Variants in GRID2 observed in about 807,000 individuals in gnomAD.
GRID2 encodes glutamate ionotropic receptor delta type subunit 2.
In GRID2, 33 loss-of-function variants were observed where a neutral mutation model predicts 114.8. The ratio of observed to expected loss-of-function variants is 0.29; its 90% CI spans 0.22 to 0.38. The LOEUF is 0.38. GRID2 is among the 10% of genes least tolerant of loss of function. The pLI is 1.00. For missense variants in GRID2, 1,184 were observed against 1,257.7 expected, an observed-to-expected ratio of 0.94 and a Z score of 0.89; for synonymous variants, 505 against 449.9, an observed-to-expected ratio of 1.12 and a Z score of -1.55.
chr4:93,516,508 A>T (rs1312858856), intron 13 of GRID2, among the ~76,000 whole-genome samples: 1 of 152,090 alleles, frequency 6.6e-6, no homozygotes, highest in African/African-American at 2.4e-5. Context: ...AATGTCCTGG[A>T]GATGTTAGCA....
chr4:92,525,862 A>G (rs1289499418), intron 1 of GRID2, among the ~76,000 whole-genome samples: 2 of 152,128 alleles, frequency 1.3e-5, no homozygotes, highest in Non-Finnish European at 2.9e-5. Flanking sequence ...GAGGAATTGT[A>G]GAGCAGTATT....
chr4:92,638,878 ATTTG>A (rs926431670), intron 2 of GRID2, among the ~76,000 whole-genome samples: 5 of 151,024 alleles, frequency 3.3e-5, no homozygotes, highest in Admixed American at 1.3e-4. Flanking sequence ...TTTTTGTTCT[ATTTG>A]TTCAGTTTTT....
intron 2 of GRID2, among the ~76,000 whole-genome samples, chr4:92,900,936 C>CTGTGTGTGTGTGTGTGTGTG (rs67753622): frequency 0.013 from 1,926 of 149,852 alleles, 56 homozygotes; most frequent in Admixed American, 0.065. Flanking sequence ...TAGTATTCGT[C>CTGTGTGTGTGTGTGTGTGTG]TGTGTGTGTG....
At position 93,055,542 on chromosome 4, in the gene GRID2, A is replaced by C. The variant is rs560674843; in HGVS notation, c.245-29453A>C. Among the ~76,000 whole-genome samples the C allele has an allele frequency of 6.3e-4, 96 of 152,060 alleles. 2 individuals carry two copies. The East Asian group carries it at 0.013, about 21-fold the overall frequency. On this transcript the variant is annotated intron_variant, in intron 2 of 15. Coordinates refer to ENST00000282020, the MANE Select transcript of GRID2 (RefSeq NM_001510.4). ...AATTAAACAACAACAACAACAACAA[A>C]AACATATAAAAAATGATAATAAATT...
rs987433604 is a variant in GRID2, at chr4:92,728,927, T to C, written c.244+138641T>C. ...GAGACAAAAAAGAATTACATAGAAC[T>C]CTAGTTTATATTTCCTATTAAAGGT... On this transcript the variant is annotated intron_variant, in intron 2 of 15. Coordinates refer to ENST00000282020, the MANE Select transcript of GRID2 (RefSeq NM_001510.4). Among the ~76,000 whole-genome samples, 4 of 152,006 alleles carry C rather than the reference T, an allele frequency of 2.6e-5. No individual in the cohort carries two copies. The East Asian group carries it at 7.8e-4, about 29-fold the overall frequency.
At chr4:93,108,132 T>C (rs540255068) in intron 3 of GRID2, among the ~76,000 whole-genome samples, 1 of 152,262 alleles carries the variant, frequency 6.6e-6, no homozygotes, top group East Asian at 1.9e-4. Context: ...CTTCTTATAC[T>C]TTACCTCAGA....
intron 1 of GRID2, among the ~76,000 whole-genome samples, chr4:92,314,395 A>C (rs1725862027): frequency 6.6e-6 from 1 of 152,200 alleles, no homozygotes; most frequent in African/African-American, 2.4e-5. Flanking sequence ...TATAATAGAC[A>C]AATTTAAATC....
At chr4:92,817,600 T>C (rs1213439946) in intron 2 of GRID2, among the ~76,000 whole-genome samples, 1 of 152,172 alleles carries the variant, frequency 6.6e-6, no homozygotes, top group African/African-American at 2.4e-5. Context: ...TTTCAAATCT[T>C]ATATTTTATC....
intron 8 of GRID2, among the ~76,000 whole-genome samples, chr4:93,371,042 A>C (rs1762846823): frequency 6.6e-6 from 1 of 152,204 alleles, no homozygotes; most frequent in Admixed American, 6.5e-5. Context: ...CCATTGTAAG[A>C]GAGAAAGATG....
chr4:93,104,147 A>G (rs1347507256), intron 3 of GRID2, among the ~76,000 whole-genome samples: 1 of 152,108 alleles, frequency 6.6e-6, no homozygotes, highest in Admixed American at 6.6e-5. Flanking sequence ...GTATTTGGAC[A>G]AGTTTTCCAG....
intron 9 of GRID2, among the ~76,000 whole-genome samples, chr4:93,399,968 T>C (rs903584229): frequency 6.6e-6 from 1 of 152,112 alleles, no homozygotes; most frequent in African/African-American, 2.4e-5. Flanking sequence ...TATTAACTTA[T>C]TTAATCCTTA....
At chr4:92,792,503 A>ACACACACACT (rs1414040335) in intron 2 of GRID2, among the ~76,000 whole-genome samples, 52 of 135,938 alleles carry the variant, frequency 3.8e-4, no homozygotes, top group African/African-American at 1.3e-3. Flanking sequence ...ACACACACAC[A>ACACACACACT]CTGTCACTCT....
At chr4:92,944,727 T>A (rs1225925725) in intron 2 of GRID2, among the ~76,000 whole-genome samples, 2 of 152,236 alleles carry the variant, frequency 1.3e-5, no homozygotes, top group Non-Finnish European at 2.9e-5. Flanking sequence ...TCTATTTGAT[T>A]TTTTAAATCT....
intron 2 of GRID2, among the ~76,000 whole-genome samples, chr4:92,651,311 G>A (rs1042313927): frequency 6.6e-6 from 1 of 152,026 alleles, no homozygotes; most frequent in African/African-American, 2.4e-5. Flanking sequence ...GTGGGTCTCT[G>A]CTGCTGGCAG....
intron 1 of GRID2, among the ~76,000 whole-genome samples, chr4:92,475,776 A>C (rs1230426805): frequency 6.6e-6 from 1 of 152,020 alleles, no homozygotes; most frequent in Non-Finnish European, 1.5e-5. Context: ...TGAATATTTT[A>C]ATAATATTAT....
At chr4:93,731,006 G>T (rs772925738) in intron 14 of GRID2, among the ~76,000 whole-genome samples, 2 of 152,208 alleles carry the variant, frequency 1.3e-5, no homozygotes, top group Admixed American at 6.5e-5. Flanking sequence ...CACCTGCTGG[G>T]CAAAGCTTTC....
chr4:93,409,173 T>A (rs2149349941), intron 9 of GRID2, among the ~76,000 whole-genome samples: 1 of 152,238 alleles, frequency 6.6e-6, no homozygotes, highest in Admixed American at 6.5e-5. Context: ...AATTAACTGA[T>A]AATAGACAGA....
intron 2 of GRID2, among the ~76,000 whole-genome samples, chr4:92,797,274 C>T (rs961674180): frequency 6.6e-6 from 1 of 151,860 alleles, no homozygotes; most frequent in Non-Finnish European, 1.5e-5. Flanking sequence ...TACTATCATG[C>T]ATATTTTACT....
chr4:93,156,681 A>G (rs1737216126), intron 4 of GRID2, among the ~76,000 whole-genome samples: 1 of 151,786 alleles, frequency 6.6e-6, no homozygotes, highest in Non-Finnish European at 1.5e-5. Flanking sequence ...GTGGGTAGTG[A>G]TTTTGATTTA....
Sources: gnomAD v4.1 joint callset for allele counts (sites outside exome capture counted in the v4.1 genomes callset) on GRCh38, gnomAD v4.1.1 for gene constraint, MANE v1.5 for transcripts, NCBI Gene and HGNC (gene_info 2026-07-23, HGNC 2026-07-21) for gene names.